The following ADAMTS14 variants were observed in gnomAD, a reference collection of about 807,000 sequenced individuals.
The protein encoded by ADAMTS14 is A disintegrin and metalloproteinase with thrombospondin motifs 14.
A neutral mutation model predicts 128.6 loss-of-function variants in ADAMTS14; 100 were observed. The observed-to-expected ratio is 0.78, with a 90% CI of 0.66 to 0.92. The LOEUF is 0.92. Ranked by LOEUF, ADAMTS14 falls within the 40% of genes least tolerant of loss-of-function variation. The pLI is 0.00. For synonymous variants in ADAMTS14, 665 were observed against 653.8 expected, an observed-to-expected ratio of 1.02 and a Z score of -0.26; for missense variants, 1,562 against 1,658.6, an observed-to-expected ratio of 0.94 and a Z score of 1.01.
At chr10:70,708,282 C>T (rs1048903488) in intron 3 of ADAMTS14, among the ~76,000 whole-genome samples, 5 of 152,234 alleles carry the variant, frequency 3.3e-5, no homozygotes, top group East Asian at 3.9e-4. Flanking sequence ...GCCAGAGAAG[C>T]GAGGGATTGG....
chr10:70,676,182 G>A (rs1023622736), intron 2 of ADAMTS14, among the ~76,000 whole-genome samples: 1 of 151,076 alleles, frequency 6.6e-6, no homozygotes, highest in African/African-American at 2.4e-5. Flanking sequence ...AGGCTGGAGT[G>A]CAGTGGCTAT....
chr10:70,743,777 C>T (rs768701981), intron 13 of ADAMTS14, 96 bp downstream of exon 13: 28 of 1,430,716 alleles, frequency 2.0e-5, no homozygotes, highest in South Asian at 1.0e-4. Context: ...ATTGCCTCAC[C>T]GGCCCACTCG....
In ADAMTS14 at chr10:70,735,188, G is replaced by T; in HGVS notation, c.1372G>T (p.Asp458Tyr). The T allele has an allele frequency of 1.2e-6, 2 of 1,612,262 alleles. No individual in the cohort carries two copies. Among genetic ancestry groups the T allele is most frequent in the Non-Finnish European group, 1.7e-6 (2 of 1,179,068 alleles). ...TGGCAGCTCCTACGACTGCCTCCTC[G>T]ATGACCCCTTTGATCCTGCCTGGCC... ...RYLPSYDCLL[D>Y]DPFDPAWPQP... Residue 458 changes from aspartate to tyrosine, a missense_variant, in exon 9 of 22, where the codon GAT becomes TAT. Physicochemically the swap from Asp to Tyr is radical, Grantham distance 160. Transcript: ENST00000373207.
chr10:70,708,475 C>T (rs1268934296), intron 3 of ADAMTS14, 113 bp from the exon 4 acceptor site: 2 of 917,664 alleles, frequency 2.2e-6, no homozygotes, highest in South Asian at 1.8e-5. Flanking sequence ...ACTTTACTTA[C>T]AGAGGCAGGG....
intron 2 of ADAMTS14, among the ~76,000 whole-genome samples, chr10:70,700,943 A>G (rs1229639434): frequency 6.6e-6 from 1 of 152,220 alleles, no homozygotes; most frequent in Non-Finnish European, 1.5e-5. Flanking sequence ...CAGACAGTTG[A>G]GTGTTACCTG....
chr10:70,733,910 G>C lies in ADAMTS14; in HGVS notation c.1234G>C (p.Gly412Arg). The C allele has an allele frequency of 6.2e-7, 1 of 1,613,800 alleles. No individual in the cohort carries two copies. Among genetic ancestry groups the C allele is most frequent in the East Asian group, 2.2e-5 (1 of 44,856 alleles). The change falls in exon 8 of 22, where the codon GGG becomes CGG. Residue 412 changes from glycine to arginine, a missense_variant. Gly to Arg is a moderately radical substitution (Grantham distance 125). Transcript: ENST00000373207. Reference protein sequence around the residue: ...HVLGMEHDGQGNGCADETSLG... With the variant: ...HVLGMEHDGQRNGCADETSLG... The stretch of plus-strand genomic sequence containing the variant: ...GCTCGGCATGGAGCATGACGGTCAG[G>C]GGAATGGCTGTGCAGATGAGACCAG...
In ADAMTS14 at chr10:70,730,218, G is replaced by T. The variant is rs752925252; in HGVS notation, c.1071G>T (p.Val357=). 7 of 1,614,132 alleles carry T rather than the reference G, an allele frequency of 4.3e-6. No homozygotes were observed. Among genetic ancestry groups the T allele is most frequent in the African/African-American group, 1.3e-5 (1 of 75,076 alleles). The change falls in exon 6 of 22, where the codon GTG becomes GTT. Residue 357 remains valine, a synonymous_variant. Transcript: ENST00000373207. The stretch of plus-strand genomic sequence containing the variant: ...ACGCTGAGCACCATGACCACGTTGT[G>T]TTCCTCACCCGGCAGGACTTTGGGC... ...PSHAEHHDHV[V]FLTRQDFGPS...
chr10:70,713,984 A>C (rs1285189990), intron 4 of ADAMTS14, among the ~76,000 whole-genome samples: 6 of 152,214 alleles, frequency 3.9e-5, no homozygotes, highest in Non-Finnish European at 1.5e-5. Context: ...GCTTGAGGCC[A>C]GGAGTTCAAG....
intron 4 of ADAMTS14, among the ~76,000 whole-genome samples, chr10:70,716,059 C>G (rs1038477576): frequency 9.9e-5 from 15 of 152,202 alleles, no homozygotes; most frequent in African/African-American, 3.1e-4. Context: ...AAGCTGTGGC[C>G]GGGGAACATT....
Position 70,761,007 on chromosome 10 carries a change from C to T in ADAMTS14, c.*154C>T, listed in dbSNP as rs1349519302. On this transcript the variant is annotated 3_prime_UTR_variant, in exon 22 of 22. Transcript: ENST00000373207. ...GTTTGGGGCTGTGATGCTCTTTACC[C>T]CACAAAGCGGGGTGGGAGGAAGACA... 1.7e-6 allele frequency: 2 copies of T among 1,145,666 alleles called. No homozygotes were observed. The highest frequency in any genetic ancestry group is 2.7e-5 in the East Asian group (1 of 37,634). 71.0% of individuals were successfully genotyped at this position (1,145,666 alleles called of 1,614,324 possible).
chr10:70,735,278 A>AC lies in ADAMTS14; in HGVS notation c.1462_1463insC (p.Ser488ThrfsTer13). 1 of 1,613,922 alleles carries AC rather than the reference A, an allele frequency of 6.2e-7. No homozygotes were observed. Among genetic ancestry groups the AC allele is most frequent in the Non-Finnish European group, 8.5e-7 (1 of 1,179,936 alleles). On this transcript the variant is annotated frameshift_variant, in exon 9 of 22. Transcript: ENST00000373207. LOFTEE classifies it high-confidence loss of function. Reference sequence around the variant, plus strand: ...TGAGCAGTGCCGCTTTGACTTTGGCAGTGGCTACCAGACCTGCTTGGCAGT... The same window carrying AC: ...TGAGCAGTGCCGCTTTGACTTTGGCACGTGGCTACCAGACCTGCTTGGCAGT...
chr10:70,694,022 C>T (rs1490564836), intron 2 of ADAMTS14, among the ~76,000 whole-genome samples: 3 of 152,274 alleles, frequency 2.0e-5, no homozygotes, highest in Non-Finnish European at 4.4e-5. Flanking sequence ...CCCAAGGCTG[C>T]AGCTCGGTCT....
intron 7 of ADAMTS14, among the ~76,000 whole-genome samples, chr10:70,733,099 C>G (rs1014020652): frequency 6.6e-6 from 1 of 152,170 alleles, no homozygotes; most frequent in Non-Finnish European, 1.5e-5. Context: ...TATCCCAGCT[C>G]TGCTCCTCCA....
chr10:70,752,358 C>T (rs1183223397), intron 18 of ADAMTS14, 131 bp downstream of exon 18: 7 of 1,337,678 alleles, frequency 5.2e-6, no homozygotes, highest in South Asian at 3.1e-5. Flanking sequence ...ACACAACTTT[C>T]AGTGCTTCTG....
In ADAMTS14 at chr10:70,675,075, T is replaced by C. The variant is rs565065762; in HGVS notation, c.522+80T>C. On this transcript the variant is annotated intron_variant, in intron 2 of 21. Coordinates refer to ENST00000373207, the MANE Select transcript of ADAMTS14 (RefSeq NM_080722.4). ...CATGGTTTTGAGATTGCTATGGGCATGTTTTGCAGTCTGGGCCAAGGCAGG... is the reference window on the plus strand; with the variant it reads ...CATGGTTTTGAGATTGCTATGGGCACGTTTTGCAGTCTGGGCCAAGGCAGG... The C allele has an allele frequency of 2.0e-5, 30 of 1,520,536 alleles. No homozygotes were observed. In the South Asian group the frequency reaches 3.5e-4, roughly 18 times the overall value. The allele number at this position is 1,520,536 out of a possible 1,614,324, so 94.2% of individuals were successfully genotyped here. A position where few individuals can be genotyped will look rare whatever the true frequency, so the allele number is the denominator to read the frequency against.
At chr10:70,751,987 A>G in intron 17 of ADAMTS14, 108 bp from the exon 18 acceptor site, 1 of 1,464,632 alleles carries the variant, frequency 6.8e-7, no homozygotes, top group Non-Finnish European at 9.1e-7. Flanking sequence ...AGGCAGAGGG[A>G]GGTGGGATTG....
In ADAMTS14 at chr10:70,683,791, A is replaced by C. The variant is rs114336264; in HGVS notation, c.522+8796A>C. Reference sequence around the variant, plus strand: ...GAAGGCCCAAGCTGGCTTCTTTTACATGACCAGCATGGTGCTGGCTGTAGG... The same window carrying C: ...GAAGGCCCAAGCTGGCTTCTTTTACCTGACCAGCATGGTGCTGGCTGTAGG... On this transcript the variant is annotated intron_variant, in intron 2 of 21. Transcript: ENST00000373207. 5.0e-3 allele frequency among the ~76,000 whole-genome samples: 758 copies of C among 152,094 alleles called. 10 individuals carry two copies. The highest frequency in any genetic ancestry group is 0.015 in the African/African-American group (614 of 41,478).
intron 4 of ADAMTS14, among the ~76,000 whole-genome samples, chr10:70,710,865 G>A (rs560648643): frequency 6.6e-6 from 1 of 152,328 alleles, no homozygotes; most frequent in East Asian, 1.9e-4. Context: ...TCTGGGAACG[G>A]GACAGTTGAT....
At chr10:70,716,242 T>TAGC (rs1841036739) in intron 4 of ADAMTS14, among the ~76,000 whole-genome samples, 1 of 152,168 alleles carries the variant, frequency 6.6e-6, no homozygotes. Context: ...GGTCTTCTGC[T>TAGC]CACTGCTGGG....
Sources: gnomAD v4.1 joint callset for allele counts (sites outside exome capture counted in the v4.1 genomes callset) on GRCh38, gnomAD v4.1.1 for gene constraint, MANE v1.5 for transcripts, NCBI Gene and HGNC (gene_info 2026-07-23, HGNC 2026-07-21) for gene names.